Variants in RBFOX1 observed in about 807,000 individuals in gnomAD.
RBFOX1 encodes the protein RNA binding protein fox-1 homolog 1.
A neutral mutation model predicts 57.7 loss-of-function variants in RBFOX1; 8 were observed. The observed-to-expected ratio is 0.14, with a 90% CI of 0.08 to 0.25. The LOEUF (loss-of-function observed/expected upper bound fraction) is 0.25, where lower values mean the gene tolerates loss of function less well. Ranked by LOEUF, RBFOX1 falls within the 10% of genes least tolerant of loss-of-function variation. RBFOX1 has a pLI of 1.00. For missense variants in RBFOX1, 611 were observed against 548.5 expected (o/e 1.11, Z -1.14); for synonymous variants, 326 against 222.4 (o/e 1.47, Z -4.15).
At chr16:7,023,459 CAA>C (rs368260398) in intron 3 of RBFOX1, among the ~76,000 whole-genome samples, 1 of 124,818 alleles carries the variant, frequency 8.0e-6, no homozygotes. Context: ...GACTCCATCT[CAA>C]AAAAAAAAAG....
Position 7,225,841 on chromosome 16 carries a change from T to C in RBFOX1, c.27+173743T>C, listed in dbSNP as rs572716753. Among the ~76,000 whole-genome samples, 544 of 148,286 alleles carry C rather than the reference T, an allele frequency of 3.7e-3. 5 individuals carry two copies. Among genetic ancestry groups the C allele is most frequent in the African/African-American group, 0.013 (517 of 39,592 alleles). The stretch of plus-strand genomic sequence containing the variant: ...ATGGGTGCAGCACACCAACATGGCA[T>C]ATGTATACATATGTAACAAACCTGC... On this transcript the variant is annotated intron_variant, in intron 4 of 15. Transcript: ENST00000550418.
chr16:6,505,145 G>C (rs2096057550), intron 2 of RBFOX1, among the ~76,000 whole-genome samples: 2 of 152,222 alleles, frequency 1.3e-5, no homozygotes, highest in South Asian at 4.1e-4. Context: ...CAGACTTGGG[G>C]GTTTCTGCCC....
At chr16:6,621,305 C>A (rs1192781231) in intron 2 of RBFOX1, among the ~76,000 whole-genome samples, 1 of 151,346 alleles carries the variant, frequency 6.6e-6, no homozygotes, top group African/African-American at 2.4e-5. Context: ...ACTAAAAATA[C>A]AAAAAAAAAT....
intron 1 of RBFOX1, among the ~76,000 whole-genome samples, chr16:6,127,595 G>A (rs2096599216): frequency 6.6e-6 from 1 of 152,190 alleles, no homozygotes; most frequent in Admixed American, 6.5e-5. Flanking sequence ...GATTCATGTG[G>A]GACCTTTTCA....
intron 3 of RBFOX1, chr16:7,004,103 A>G (rs959673552): frequency 2.2e-4 from 33 of 151,892 alleles, no homozygotes; most frequent in African/African-American, 6.3e-4. Flanking sequence ...TGTGTTGCCA[A>G]TGTGGACACT....
intron 11 of RBFOX1, among the ~76,000 whole-genome samples, chr16:7,646,803 C>T (rs978312758): frequency 6.6e-6 from 1 of 152,066 alleles, no homozygotes; most frequent in African/African-American, 2.4e-5. Context: ...TGTGTTTTTT[C>T]TCTTGGGATT....
chr16:7,336,795 A>G (rs2096796779), intron 4 of RBFOX1, among the ~76,000 whole-genome samples: 1 of 152,254 alleles, frequency 6.6e-6, no homozygotes, highest in African/African-American at 2.4e-5. Flanking sequence ...AATTCCAAAA[A>G]GCTCTGAAAA....
intron 1 of RBFOX1, among the ~76,000 whole-genome samples, chr16:5,246,588 G>A (rs2151068636): frequency 6.6e-6 from 1 of 152,034 alleles, no homozygotes; most frequent in East Asian, 1.9e-4. Context: ...GACATTCTGT[G>A]TCCTTTGGCA....
intron 3 of RBFOX1, chr16:6,775,969 T>C (rs1210480838): frequency 1.3e-5 from 2 of 152,200 alleles, no homozygotes; most frequent in Non-Finnish European, 1.5e-5. Flanking sequence ...TTCACAGGCA[T>C]ATCGATTCCA....
At chr16:6,664,325 C>G (rs1235534318) in intron 3 of RBFOX1, among the ~76,000 whole-genome samples, 3 of 152,196 alleles carry the variant, frequency 2.0e-5, no homozygotes, top group East Asian at 1.9e-4. Context: ...GCATGGCTCT[C>G]ATTCCAAACT....
intron 1 of RBFOX1, among the ~76,000 whole-genome samples, chr16:6,298,858 G>T (rs2078451495): frequency 6.6e-6 from 1 of 152,124 alleles, no homozygotes. Context: ...TGGAAAATTT[G>T]GAATTATAGC....
intron 4 of RBFOX1, among the ~76,000 whole-genome samples, chr16:7,208,807 C>T (rs1027395491): frequency 6.6e-6 from 1 of 152,068 alleles, no homozygotes; most frequent in Non-Finnish European, 1.5e-5. Flanking sequence ...ACTTGCAATC[C>T]AGCCTGGGTG....
intron 4 of RBFOX1, among the ~76,000 whole-genome samples, chr16:7,517,126 A>C (rs4786179): frequency 0.51 from 74,017 of 145,332 alleles, 23,099 homozygotes; most frequent in Non-Finnish European, 0.7. Context: ...TTTGGGTTAC[A>C]ATTTCTTATG....
intron 3 of RBFOX1, among the ~76,000 whole-genome samples, chr16:6,692,904 A>G (rs966644541): frequency 6.6e-6 from 1 of 151,436 alleles, no homozygotes. Context: ...CATTATCAGC[A>G]TCATCTTCAT....
intron 4 of RBFOX1, among the ~76,000 whole-genome samples, chr16:7,381,934 C>T (rs375635552): frequency 2.0e-5 from 3 of 152,164 alleles, no homozygotes; most frequent in African/African-American, 7.2e-5. Flanking sequence ...CCAAAGATGT[C>T]TCTAGACTTG....
In RBFOX1 at chr16:5,499,182, T is replaced by C. The variant is rs376455452; in HGVS notation, c.258+31928T>C. ...TCTGAGGGTAGAAACTGGCTATATT[T>C]CATGTTTGTAATCTCTCAGTGCTTG... On this transcript the variant is annotated intron_variant, in intron 2 of 2. Coordinates refer to the RBFOX1 transcript ENST00000585867. Among the ~76,000 whole-genome samples the C allele has an allele frequency of 6.6e-5, 10 of 152,310 alleles. No individual in the cohort carries two copies. The East Asian group carries it at 1.9e-3, about 29-fold the overall frequency.
chr16:7,517,378 G>A (rs1240519648), intron 4 of RBFOX1, among the ~76,000 whole-genome samples: 1 of 152,000 alleles, frequency 6.6e-6, no homozygotes, highest in Admixed American at 6.6e-5. Flanking sequence ...AAAAAAATAA[G>A]GCAGGGAGGG....
At chr16:7,335,836 T>A (rs1236820051) in intron 4 of RBFOX1, among the ~76,000 whole-genome samples, 1 of 152,224 alleles carries the variant, frequency 6.6e-6, no homozygotes, top group Non-Finnish European at 1.5e-5. Context: ...ATTTTATGTC[T>A]ACACTTGTTG....
At chr16:7,570,678 G>T (rs1202261199) in intron 5 of RBFOX1, among the ~76,000 whole-genome samples, 1 of 152,174 alleles carries the variant, frequency 6.6e-6, no homozygotes, top group African/African-American at 2.4e-5. Flanking sequence ...AAACAGTGTG[G>T]TGATTCCTCA....
Sources: gnomAD v4.1 joint callset for allele counts (sites outside exome capture counted in the v4.1 genomes callset) on GRCh38, gnomAD v4.1.1 for gene constraint, MANE v1.5 for transcripts, NCBI Gene and HGNC (gene_info 2026-07-23, HGNC 2026-07-21) for gene names.